KLHL1: variants seen among roughly 807,000 people sequenced by gnomAD.
The protein encoded by KLHL1 is kelch like family member 1.
In KLHL1, 47 loss-of-function variants were observed where a neutral mutation model predicts 77.7. That is an observed-to-expected ratio of 0.60 (90% CI 0.48 to 0.77). The LOEUF is 0.77. Among genes scored for constraint, KLHL1 ranks in the 30% least tolerant of loss-of-function variants. The probability of loss-of-function intolerance (pLI) is 0.00; values close to 1 mark genes in which losing one functional copy is unlikely to be tolerated. For missense variants in KLHL1, 925 were observed against 910.8 expected (o/e 1.02, Z -0.20); for synonymous variants, 360 against 325.2 (o/e 1.11, Z -1.15).
chr13:69,780,097 C>T (rs139026112), intron 7 of KLHL1, among the ~76,000 whole-genome samples: 5,679 of 152,180 alleles, frequency 0.037, 135 homozygotes, highest in Middle Eastern at 0.068. Context: ...CATGAGCCAC[C>T]GTGCCCAGCC....
intron 4 of KLHL1, among the ~76,000 whole-genome samples, chr13:69,896,416 T>A (rs554456336): frequency 6.6e-6 from 1 of 152,174 alleles, no homozygotes; most frequent in African/African-American, 2.4e-5. Context: ...GATAAGTATT[T>A]GAATAATCAG....
intron 5 of KLHL1, among the ~76,000 whole-genome samples, chr13:69,876,281 G>A (rs969944528): frequency 6.6e-6 from 1 of 152,114 alleles, no homozygotes; most frequent in Non-Finnish European, 1.5e-5. Flanking sequence ...TAAATCAGAT[G>A]TTTTAGTTGT....
chr13:69,857,478 G>A (rs1307049791), intron 5 of KLHL1, among the ~76,000 whole-genome samples: 1 of 152,034 alleles, frequency 6.6e-6, no homozygotes, highest in Non-Finnish European at 1.5e-5. Context: ...GTCTGCCACA[G>A]AGTTGACATT....
intron 5 of KLHL1, among the ~76,000 whole-genome samples, chr13:69,873,275 T>C (rs74591702): frequency 0.017 from 2,541 of 152,282 alleles, 78 homozygotes; most frequent in African/African-American, 0.057. Flanking sequence ...ATGCCTTTAG[T>C]GGACATAAAT....
chr13:70,012,495 T>C (rs1885559052), intron 1 of KLHL1, among the ~76,000 whole-genome samples: 1 of 152,130 alleles, frequency 6.6e-6, no homozygotes, highest in Non-Finnish European at 1.5e-5. Flanking sequence ...GAACGCCATT[T>C]AAGGGGGCTT....
chr13:70,050,759 TATAAC>T (rs1487075339), intron 1 of KLHL1, among the ~76,000 whole-genome samples: 1 of 151,972 alleles, frequency 6.6e-6, no homozygotes, highest in African/African-American at 2.4e-5. Context: ...ATAACAAAAA[TATAAC>T]ATGTTTTTAT....
chr13:69,723,892 G>T (rs1021094689), intron 8 of KLHL1, among the ~76,000 whole-genome samples: 4 of 149,822 alleles, frequency 2.7e-5, no homozygotes, highest in African/African-American at 9.9e-5. Flanking sequence ...GCCCAGGCTG[G>T]AATGCAGTGA....
chr13:69,999,508 T>A (rs1475131584), intron 1 of KLHL1, among the ~76,000 whole-genome samples: 1 of 152,120 alleles, frequency 6.6e-6, no homozygotes, highest in African/African-American at 2.4e-5. Flanking sequence ...AAGTATAAAC[T>A]TTCCCTTCTG....
chr13:69,732,966 T>C (rs1873615324), intron 8 of KLHL1, among the ~76,000 whole-genome samples: 1 of 152,156 alleles, frequency 6.6e-6, no homozygotes, highest in Admixed American at 6.6e-5. Flanking sequence ...CCATGTCTTT[T>C]AGTTCTCCAC....
intron 7 of KLHL1, among the ~76,000 whole-genome samples, chr13:69,789,327 A>AAATT (rs35845179): frequency 0.071 from 10,818 of 151,718 alleles, 493 homozygotes; most frequent in Non-Finnish European, 0.099. Flanking sequence ...CTTATTTAAT[A>AAATT]AATTAAAAAT....
rs2137265457 is a variant in KLHL1, at chr13:69,958,227, T to C, written c.817+3081A>G. On this transcript the variant is annotated intron_variant, in intron 3 of 10. Transcript: ENST00000377844. The stretch of plus-strand genomic sequence containing the variant: ...CTCTCAATGATACCAAGGCCATTCT[T>C]ACCAGTTACCAAATAATAATAATAA... Among the ~76,000 whole-genome samples, 3 of 150,930 alleles carry C rather than the reference T, an allele frequency of 2.0e-5. No homozygotes were observed. In the East Asian group the frequency reaches 5.9e-4, roughly 29 times the overall value.
At chr13:70,101,950 C>CAAA (rs553460889) in intron 1 of KLHL1, among the ~76,000 whole-genome samples, 1,916 of 128,870 alleles carry the variant, frequency 0.015, 40 homozygotes, top group East Asian at 0.053. Context: ...GATAAAGTAG[C>CAAA]AAAAAAAAAA....
At chr13:70,027,733 G>A (rs926658395) in intron 1 of KLHL1, among the ~76,000 whole-genome samples, 99 of 146,396 alleles carry the variant, frequency 6.8e-4, no homozygotes, top group African/African-American at 2.3e-3. Flanking sequence ...CTTGCATCCC[G>A]TGAGTGAGAA....
chr13:69,743,679 G>A (rs1874077878), intron 7 of KLHL1, among the ~76,000 whole-genome samples: 1 of 151,916 alleles, frequency 6.6e-6, no homozygotes, highest in African/African-American at 2.4e-5. Context: ...CCAGCTACTT[G>A]GGAGGCTGAG....
At chr13:69,917,015 T>C (rs904185463) in intron 4 of KLHL1, among the ~76,000 whole-genome samples, 1 of 152,086 alleles carries the variant, frequency 6.6e-6, no homozygotes, top group Non-Finnish European at 1.5e-5. Context: ...TGTATACATA[T>C]ATGTGTGTAT....
rs963622461 is a variant in KLHL1, at chr13:69,991,819, G to C, written c.498-16017C>G. Among the ~76,000 whole-genome samples the C allele has an allele frequency of 2.6e-5, 4 of 152,108 alleles. No individual in the cohort carries two copies. The East Asian group carries it at 7.7e-4, about 29-fold the overall frequency. On this transcript the variant is annotated intron_variant, in intron 1 of 10. Coordinates refer to ENST00000377844, the MANE Select transcript of KLHL1 (RefSeq NM_020866.3). Reference sequence around the variant, plus strand: ...TCATTCTATGAAGCCACTCAAGTGAGAGCCAGAGATAAACATGATAGGAGA... The same window carrying C: ...TCATTCTATGAAGCCACTCAAGTGACAGCCAGAGATAAACATGATAGGAGA...
chr13:69,782,676 G>A (rs1372143766), intron 7 of KLHL1, among the ~76,000 whole-genome samples: 1 of 152,206 alleles, frequency 6.6e-6, no homozygotes, highest in East Asian at 1.9e-4. Flanking sequence ...CTCAAACTGG[G>A]TGGAGCCCAC....
intron 1 of KLHL1, among the ~76,000 whole-genome samples, chr13:70,056,417 A>T (rs1384038173): frequency 6.6e-6 from 1 of 152,162 alleles, no homozygotes; most frequent in Non-Finnish European, 1.5e-5. Context: ...CACTTTCAGC[A>T]TTGGAAAGAC....
At chr13:69,958,060 G>A (rs1266976786) in intron 3 of KLHL1, among the ~76,000 whole-genome samples, 1 of 151,460 alleles carries the variant, frequency 6.6e-6, no homozygotes, top group Non-Finnish European at 1.5e-5. Flanking sequence ...CTAAATAGTT[G>A]CAAGAATTAT....
Sources: gnomAD v4.1 joint callset for allele counts (sites outside exome capture counted in the v4.1 genomes callset) on GRCh38, gnomAD v4.1.1 for gene constraint, MANE v1.5 for transcripts, NCBI Gene and HGNC (gene_info 2026-07-23, HGNC 2026-07-21) for gene names.